ZCWPW2: variants seen among roughly 807,000 people sequenced by gnomAD.
The protein encoded by ZCWPW2 is zinc finger CW-type PWWP domain protein 2.
ZCWPW2 carries 45 observed loss-of-function variants against 46.6 expected under a neutral mutation model. That is an observed-to-expected ratio of 0.96 (90% CI 0.76 to 1.24). The LOEUF (loss-of-function observed/expected upper bound fraction) is 1.24, where lower values mean the gene tolerates loss of function less well. ZCWPW2 is among the 50% of genes most tolerant of loss of function. ZCWPW2 has a pLI of 0.00. For synonymous variants in ZCWPW2, 152 were observed against 137.1 expected, an observed-to-expected ratio of 1.11 and a Z score of -0.76; for missense variants, 429 against 403.9, an observed-to-expected ratio of 1.06 and a Z score of -0.53.
intron 6 of ZCWPW2, among the ~76,000 whole-genome samples, chr3:28,503,236 C>G (rs1700195926): frequency 6.6e-6 from 1 of 152,082 alleles, no homozygotes; most frequent in Non-Finnish European, 1.5e-5. Context: ...TTTTAAGAAA[C>G]AAAATCTTCC....
rs1488369006 is a variant in ZCWPW2, at chr3:28,524,799, T to C, written c.*111T>C. ...AATAGGTATAAATTATACCAAAGTTTATATTTGCGGTAACTTTCTACTTCA... is the reference window on the plus strand; with the variant it reads ...AATAGGTATAAATTATACCAAAGTTCATATTTGCGGTAACTTTCTACTTCA... On this transcript the variant is annotated 3_prime_UTR_variant, in exon 10 of 10. Transcript: ENST00000383768. The C allele has an allele frequency of 1.1e-6, 1 of 926,414 alleles. No homozygotes were observed. The highest frequency in any genetic ancestry group is 3.3e-5 in the East Asian group (1 of 29,994). The allele number at this position is 926,414 out of a possible 1,614,324, so 57.4% of individuals were successfully genotyped here.
intron 3 of ZCWPW2, among the ~76,000 whole-genome samples, chr3:28,432,639 T>G (rs970738771): frequency 1.3e-5 from 2 of 152,292 alleles, no homozygotes; most frequent in Middle Eastern, 3.4e-3. Flanking sequence ...CATGGATGGT[T>G]TTAGCCTAAT....
chr3:28,493,103 T>A (rs1699872712), intron 6 of ZCWPW2, among the ~76,000 whole-genome samples: 2 of 148,738 alleles, frequency 1.3e-5, no homozygotes, highest in Non-Finnish European at 3.0e-5. Context: ...TTCTTTTTTT[T>A]TTTTTTCTGG....
At chr3:28,457,719 A>G (rs1432634407) in intron 4 of ZCWPW2, among the ~76,000 whole-genome samples, 1 of 152,232 alleles carries the variant, frequency 6.6e-6, no homozygotes, top group Non-Finnish European at 1.5e-5. Context: ...ATACTTCACT[A>G]TCATTTTACA....
chr3:28,412,693 A>C (rs1302876609), intron 2 of ZCWPW2, among the ~76,000 whole-genome samples: 1 of 152,084 alleles, frequency 6.6e-6, no homozygotes, highest in Non-Finnish European at 1.5e-5. Context: ...TACCTGGTGC[A>C]TAGTCAGCAT....
At chr3:28,461,759 CAT>C (rs1312089951) in intron 4 of ZCWPW2, 2 of 151,942 alleles carry the variant, frequency 1.3e-5, no homozygotes, top group Non-Finnish European at 2.9e-5. Context: ...TGGAATAAGA[CAT>C]GTAATAAATA....
intron 5 of ZCWPW2, among the ~76,000 whole-genome samples, chr3:28,483,605 C>T (rs996092088): frequency 5.3e-5 from 8 of 152,132 alleles, no homozygotes; most frequent in Admixed American, 2.6e-4. Flanking sequence ...ATTGAGTCTT[C>T]TTATCCATGA....
chr3:28,516,255 CAAT>C (rs1700567288), intron 8 of ZCWPW2, among the ~76,000 whole-genome samples: 1 of 140,126 alleles, frequency 7.1e-6, no homozygotes, highest in African/African-American at 2.7e-5. Flanking sequence ...GATTCCCTCT[CAAT>C]AAATAAATAA....
At chr3:28,452,665 T>C (rs576935904) in intron 4 of ZCWPW2, among the ~76,000 whole-genome samples, 7 of 152,314 alleles carry the variant, frequency 4.6e-5, no homozygotes, top group Admixed American at 2.6e-4. Context: ...ATTGAGATAA[T>C]ACATGTAAAG....
intron 3 of ZCWPW2, among the ~76,000 whole-genome samples, chr3:28,420,901 TTC>T (rs1326033292): frequency 1.3e-5 from 2 of 152,216 alleles, no homozygotes; most frequent in African/African-American, 4.8e-5. Context: ...ACTGATTCTT[TTC>T]TCTGTTATAT....
At chr3:28,489,909 CAG>C (rs1165012764) in intron 5 of ZCWPW2, among the ~76,000 whole-genome samples, 1 of 152,008 alleles carries the variant, frequency 6.6e-6, no homozygotes, top group Non-Finnish European at 1.5e-5. Context: ...AAATAGCCTA[CAG>C]AATGGGAGAA....
chr3:28,401,254 GA>G (rs878976786), intron 2 of ZCWPW2, among the ~76,000 whole-genome samples: 1 of 151,742 alleles, frequency 6.6e-6, no homozygotes, highest in East Asian at 1.9e-4. Context: ...AAGATGAATG[GA>G]ATGGAACCCC....
At position 28,367,725 on chromosome 3, in the gene ZCWPW2, G is replaced by T. The variant is rs189573955; in HGVS notation, c.-134+18522G>T. 3.6e-3 allele frequency among the ~76,000 whole-genome samples: 543 copies of T among 152,224 alleles called. 2 individuals carry two copies. The highest frequency in any genetic ancestry group is 0.012 in the African/African-American group (493 of 41,532). On this transcript the variant is annotated intron_variant, in intron 1 of 9. Coordinates refer to ENST00000383768, the MANE Select transcript of ZCWPW2 (RefSeq NM_001040432.4). ...TTTTAACTTTCTATCTCGTTGATCT[G>T]TCTAATATTGACAGTAGGGTGTTAA... is the stretch of plus-strand genomic sequence containing the variant.
chr3:28,514,027 A>G (rs1207527220), intron 6 of ZCWPW2, 37 bp from the exon 7 acceptor site: 5 of 1,454,396 alleles, frequency 3.4e-6, no homozygotes, highest in South Asian at 1.3e-5. Flanking sequence ...ATTTAGTCCT[A>G]TATGAACTAA....
intron 4 of ZCWPW2, 37 bp from the exon 5 acceptor site, chr3:28,478,776 TA>T (rs1276202630): frequency 8.6e-7 from 1 of 1,166,938 alleles, no homozygotes. Context: ...GTTATATATT[TA>T]AAAATGAATT....
chr3:28,380,227 G>A (rs1211936499), intron 1 of ZCWPW2, among the ~76,000 whole-genome samples: 2 of 151,760 alleles, frequency 1.3e-5, no homozygotes, highest in South Asian at 2.1e-4. Flanking sequence ...CTCATGATCC[G>A]CCCACCTTGG....
chr3:28,457,425 A>AT (rs1362057873), intron 4 of ZCWPW2, among the ~76,000 whole-genome samples: 1 of 152,114 alleles, frequency 6.6e-6, no homozygotes, highest in Admixed American at 6.6e-5. Context: ...GTATACTAAC[A>AT]TTTTTTTAGG....
chr3:28,368,033 A>G (rs1217530750), intron 1 of ZCWPW2, among the ~76,000 whole-genome samples: 2 of 151,952 alleles, frequency 1.3e-5, no homozygotes, highest in African/African-American at 4.8e-5. Context: ...TTGAGCCTAT[A>G]TGTATCTCTG....
intron 1 of ZCWPW2, among the ~76,000 whole-genome samples, chr3:28,377,249 T>G (rs1222955419): frequency 1.3e-5 from 2 of 152,100 alleles, no homozygotes; most frequent in African/African-American, 4.8e-5. Context: ...TTAAAACTAC[T>G]TCCATTTTTA....
Sources: gnomAD v4.1 joint callset for allele counts (sites outside exome capture counted in the v4.1 genomes callset) on GRCh38, gnomAD v4.1.1 for gene constraint, MANE v1.5 for transcripts, NCBI Gene and HGNC (gene_info 2026-07-23, HGNC 2026-07-21) for gene names.